Variants in PSD2 observed in about 807,000 individuals in gnomAD.
PSD2 encodes the protein pleckstrin and Sec7 domain containing 2.
In PSD2, 38 loss-of-function variants were observed where a neutral mutation model predicts 69.8. The observed-to-expected ratio is 0.54, with a 90% CI of 0.42 to 0.71. The LOEUF (loss-of-function observed/expected upper bound fraction) is 0.71. Ranked by LOEUF, PSD2 falls within the 30% of genes least tolerant of loss-of-function variation. The pLI is 0.00. For synonymous variants in PSD2, 412 were observed against 423.0 expected, an observed-to-expected ratio of 0.97 and a Z score of 0.32; for missense variants, 943 against 1,014.5, an observed-to-expected ratio of 0.93 and a Z score of 0.96.
At position 139,839,613 on chromosome 5, in the gene PSD2, G is replaced by A. The variant is rs1760821719; in HGVS notation, c.1969-414G>A. ...TCTGCGCATGAATGTAAGAGAACGC[G>A]TGTATCATATGGAGCAGGGGATAGC... On this transcript the variant is annotated intron_variant, in intron 13 of 14. Coordinates refer to ENST00000274710, the MANE Select transcript of PSD2 (RefSeq NM_032289.4). This position sits in a 1 kb window ranked among gnomAD's most constrained non-coding sequence, Gnocchi z 5.1. Among the ~76,000 whole-genome samples, 3 of 152,198 alleles carry A rather than the reference G, an allele frequency of 2.0e-5. No homozygotes were observed. The highest frequency in any genetic ancestry group is 2.1e-4 in the South Asian group (1 of 4,832).
chr5:139,786,954 C>A, the PSD2 span, among the ~76,000 whole-genome samples: 1 of 152,136 alleles, frequency 6.6e-6, no homozygotes, highest in Non-Finnish European at 1.5e-5. Flanking sequence ...AGAGAAACCC[C>A]TTTTCACTGA....
Position 139,820,995 on chromosome 5 carries a change from C to T in PSD2, c.1098-898C>T, listed in dbSNP as rs191470460. Among the ~76,000 whole-genome samples the T allele has an allele frequency of 1.7e-3, 257 of 151,674 alleles. 4 individuals are homozygous for T. Among genetic ancestry groups the T allele is most frequent in the Admixed American group, 5.8e-3 (89 of 15,262 alleles). On this transcript the variant is annotated intron_variant, in intron 5 of 14. Transcript: ENST00000274710. ...TCGCCCAGGCTGGAGTGCAATGGTG[C>T]GACCTTGGCTCACCGCAACCTCTGC...
In PSD2 at chr5:139,809,451, A is replaced by G. The variant is rs765607413; in HGVS notation, c.11A>G (p.Asp4Gly). The change falls in exon 2 of 15, where the codon GAC becomes GGC. Residue 4 changes from aspartate (D) to glycine (G), a missense_variant. Asp to Gly is a moderately conservative substitution (Grantham distance 94). This residue lies in a region of PSD2 where 466 missense variants were observed against 445.0 expected (regional missense o/e 1.05). Transcript: ENST00000274710. ...GAAGCAGTGGCTGCCATGGAGGAGGACAAGCTCTTATCTGCAGTGCCTGAG... is the reference window on the plus strand; with the variant it reads ...GAAGCAGTGGCTGCCATGGAGGAGGGCAAGCTCTTATCTGCAGTGCCTGAG... MEE[D>G]KLLSAVPEEG... The G allele has an allele frequency of 1.9e-5, 31 of 1,611,128 alleles. No individual in the cohort carries two copies. The highest frequency in any genetic ancestry group is 2.7e-5 in the African/African-American group (2 of 74,876).
chr5:139,769,533 A>G, the PSD2 span, among the ~76,000 whole-genome samples: 1 of 151,842 alleles, frequency 6.6e-6, no homozygotes, highest in East Asian at 1.9e-4. Context: ...CATTATAAAG[A>G]CTTCTCCCCT....
chr5:139,768,526 T>C, the PSD2 span, among the ~76,000 whole-genome samples: 599 of 152,156 alleles, frequency 3.9e-3, 1 homozygote, highest in Middle Eastern at 0.014. Context: ...AGTTCGAGAC[T>C]AGCCTGACCA....
the PSD2 span, among the ~76,000 whole-genome samples, chr5:139,764,596 C>A: frequency 6.6e-6 from 1 of 152,154 alleles, no homozygotes. Context: ...CATCTCGAGC[C>A]GCGCGCCGCC....
intron 5 of PSD2, 115 bp downstream of exon 5, chr5:139,817,676 T>G (rs1760155279): frequency 1.1e-6 from 1 of 879,718 alleles, no homozygotes; most frequent in East Asian, 2.5e-5. Flanking sequence ...TTTTGACCCC[T>G]GGTGAGGCTG....
the PSD2 span, among the ~76,000 whole-genome samples, chr5:139,767,635 C>G: frequency 6.6e-6 from 1 of 152,074 alleles, no homozygotes; most frequent in African/African-American, 2.4e-5. Context: ...TTGTAAGCAT[C>G]AGTTTTCTTA....
At chr5:139,825,906 A>G (rs1159290922) in intron 7 of PSD2, among the ~76,000 whole-genome samples, 1 of 152,194 alleles carries the variant, frequency 6.6e-6, no homozygotes, top group African/African-American at 2.4e-5. Context: ...CTGATGGCCA[A>G]GTCCTGGGGC....
At chr5:139,787,956 A>C in the PSD2 span, among the ~76,000 whole-genome samples, 1 of 152,188 alleles carries the variant, frequency 6.6e-6, no homozygotes, top group Admixed American at 6.5e-5. Context: ...CCCGACGCGC[A>C]GGCTGATTTT....
At chr5:139,772,372 T>C in the PSD2 span, among the ~76,000 whole-genome samples, 2 of 152,140 alleles carry the variant, frequency 1.3e-5, no homozygotes, top group Non-Finnish European at 2.9e-5. Flanking sequence ...TAAAAAGCAT[T>C]TGGTGCAGAG....
Position 139,837,299 on chromosome 5 carries a change from G to T in PSD2, c.1665+61G>T. 2.0e-6 allele frequency: 3 copies of T among 1,490,890 alleles called. No homozygotes were observed. Among genetic ancestry groups the T allele is most frequent in the Admixed American group, 2.0e-5 (1 of 50,608 alleles). The allele number at this position is 1,490,890 out of a possible 1,614,324, so 92.4% of individuals were successfully genotyped here. On this transcript the variant is annotated intron_variant, in intron 11 of 14. Transcript: ENST00000274710. The surrounding 1 kb of genome is among the most constrained non-coding windows in gnomAD (Gnocchi z 5.0). ...GCCAGCTCAGTCCCATCCCGCCCTG[G>T]CCTTGTGGCACCCCGAAGCCCCAGG...
the PSD2 span, among the ~76,000 whole-genome samples, chr5:139,772,086 G>A: frequency 9.0e-3 from 1,374 of 152,298 alleles, 17 homozygotes; most frequent in African/African-American, 0.031. Context: ...GGATCAGTTA[G>A]CAGCCAGGCC....
intron 1 of PSD2, among the ~76,000 whole-genome samples, chr5:139,797,957 G>A (rs1759570312): frequency 6.6e-6 from 1 of 152,214 alleles, no homozygotes; most frequent in African/African-American, 2.4e-5. Flanking sequence ...GCACTAAGCT[G>A]TAGTTTCCTA....
At chr5:139,746,859 C>G in the PSD2 span, among the ~76,000 whole-genome samples, 2 of 152,220 alleles carry the variant, frequency 1.3e-5, no homozygotes, top group African/African-American at 4.8e-5. This position sits in a 1 kb window ranked among gnomAD's most constrained non-coding sequence, Gnocchi z 4.5. Context: ...CTCCCTCGCT[C>G]TGGCTCCCAG....
chr5:139,776,623 A>G, the PSD2 span, among the ~76,000 whole-genome samples: 1 of 151,038 alleles, frequency 6.6e-6, no homozygotes, highest in Non-Finnish European at 1.5e-5. Flanking sequence ...AATGTTAGAC[A>G]TGGTCGCAGA....
chr5:139,820,350 C>T (rs1268427739), intron 5 of PSD2, among the ~76,000 whole-genome samples: 1 of 138,776 alleles, frequency 7.2e-6, no homozygotes, highest in African/African-American at 3.0e-5. Context: ...GGCTGGGGGA[C>T]AGATGGGAGA....
the PSD2 span, chr5:139,743,954 C>G: frequency 1.3e-5 from 2 of 152,536 alleles, no homozygotes; most frequent in African/African-American, 4.8e-5. Context: ...TCCAGCTCCT[C>G]CACTCATGGG....
chr5:139,785,473 C>T, the PSD2 span, among the ~76,000 whole-genome samples: 1 of 152,034 alleles, frequency 6.6e-6, no homozygotes, highest in African/African-American at 2.4e-5. Flanking sequence ...ATCTGCCTGC[C>T]TTGGCATCCC....
Sources: allele counts gnomAD v4.1 joint callset (sites outside exome capture counted in the v4.1 genomes callset), GRCh38; gene constraint gnomAD v4.1.1; regional missense constraint gnomAD v4.1.1; non-coding constraint Gnocchi (gnomAD v3.1); transcripts MANE v1.5; gene names NCBI Gene and HGNC (gene_info 2026-07-23, HGNC 2026-07-21).